The following RBM26 variants were observed in gnomAD, a reference collection of about 807,000 sequenced individuals.
The protein encoded by RBM26 is RNA-binding protein 26.
Under a neutral mutation model 123.6 loss-of-function variants are expected in RBM26, and 30 were observed. The ratio of observed to expected loss-of-function variants is 0.24; its 90% confidence interval spans 0.18 to 0.33. The LOEUF (loss-of-function observed/expected upper bound fraction) is 0.33, where lower values mean the gene tolerates loss of function less well. Among genes scored for constraint, RBM26 ranks in the 10% least tolerant of loss-of-function variants. The probability of loss-of-function intolerance (pLI) is 1.00; values close to 1 mark genes in which losing one functional copy is unlikely to be tolerated. For synonymous variants in RBM26, 400 were observed against 404.4 expected (o/e 0.99, Z 0.13); for missense variants, 947 against 1,203.6 (o/e 0.79, Z 3.15).
At chr13:79,366,501 G>C in intron 7 of RBM26, 132 bp downstream of exon 7, 1 of 938,818 alleles carries the variant, frequency 1.1e-6, no homozygotes, top group South Asian at 1.9e-5. Context: ...CCAAATGGAA[G>C]TATACTGCTA....
chr13:79,328,824 GAA>G (rs66509570), intron 20 of RBM26, among the ~76,000 whole-genome samples: 76,240 of 150,792 alleles, frequency 0.51, 19,590 homozygotes, highest in Middle Eastern at 0.6. Context: ...ACTACAATCA[GAA>G]AAGTGAATTA....
intron 3 of RBM26, among the ~76,000 whole-genome samples, chr13:79,375,567 A>G (rs933034367): frequency 1.3e-5 from 2 of 152,150 alleles, no homozygotes; most frequent in African/African-American, 4.8e-5. Flanking sequence ...ATGTTGCATA[A>G]GCAATTGCCA....
chr13:79,389,903 C>T (rs1192143614), intron 1 of RBM26, among the ~76,000 whole-genome samples: 1 of 152,016 alleles, frequency 6.6e-6, no homozygotes, highest in African/African-American at 2.4e-5. Flanking sequence ...TATGGAACCA[C>T]TGGAAAGAAT....
chr13:79,393,992 T>C (rs73234640), intron 1 of RBM26, among the ~76,000 whole-genome samples: 1 of 152,208 alleles, frequency 6.6e-6, no homozygotes, highest in Non-Finnish European at 1.5e-5. Context: ...TCACTCTACA[T>C]GCCACGTGAC....
At chr13:79,381,524 T>C (rs926944920) in intron 1 of RBM26, among the ~76,000 whole-genome samples, 3 of 152,048 alleles carry the variant, frequency 2.0e-5, no homozygotes, top group African/African-American at 4.8e-5. Context: ...GGTTTGATTG[T>C]TGTGGTGAAT....
chr13:79,358,237 G>A (rs748240285), intron 11 of RBM26, 37 bp downstream of exon 11: 3 of 1,522,770 alleles, frequency 2.0e-6, no homozygotes, highest in Non-Finnish European at 2.7e-6. Flanking sequence ...TCCCTAAACA[G>A]AAAGAAGAGA....
At position 79,405,866 on chromosome 13, in the gene RBM26, C is replaced by T. The variant is rs2079490166; in HGVS notation, c.-92G>A. 1 of 746,732 alleles carries T rather than the reference C, an allele frequency of 1.3e-6. No individual in the cohort carries two copies. Among genetic ancestry groups the T allele is most frequent in the Non-Finnish European group, 1.9e-6 (1 of 539,026 alleles). 46.3% of individuals were successfully genotyped at this position (746,732 alleles called of 1,614,324 possible). On this transcript the variant is annotated 5_prime_UTR_variant, in exon 1 of 22. Transcript: ENST00000438737. ...TGCCCCCGCCCCCTCCTCCGCGCGC[C>T]GCCCGCGTGGGCCGCGGTGGGAGGC...
At chr13:79,384,617 A>G (rs893753174) in intron 1 of RBM26, among the ~76,000 whole-genome samples, 19 of 152,310 alleles carry the variant, frequency 1.2e-4, no homozygotes, top group African/African-American at 4.3e-4. Context: ...CATACCCTTT[A>G]AAAGCATAGA....
chr13:79,386,591 TAAAAA>T (rs398023598), intron 1 of RBM26, among the ~76,000 whole-genome samples: 2 of 92,832 alleles, frequency 2.2e-5, no homozygotes, highest in African/African-American at 4.1e-5. Flanking sequence ...ACTCTCTCTT[TAAAAA>T]AAAAAAAAAA....
At chr13:79,330,068 C>T (rs2069056475) in intron 20 of RBM26, among the ~76,000 whole-genome samples, 1 of 152,058 alleles carries the variant, frequency 6.6e-6, no homozygotes, top group East Asian at 1.9e-4. Flanking sequence ...GGCCCTAAGT[C>T]GATAACTGTT....
intron 20 of RBM26, among the ~76,000 whole-genome samples, chr13:79,325,599 T>C (rs1431138833): frequency 2.6e-5 from 4 of 152,172 alleles, no homozygotes; most frequent in African/African-American, 9.6e-5. Flanking sequence ...GTGTCTGTTT[T>C]ATGCTAAGTG....
chr13:79,382,552 G>C (rs1594591589), intron 1 of RBM26, among the ~76,000 whole-genome samples: 1 of 152,144 alleles, frequency 6.6e-6, no homozygotes, highest in South Asian at 2.1e-4. Context: ...CTGTGTGTGT[G>C]TTGGGGCTGG....
chr13:79,358,536 T>G, intron 10 of RBM26, 103 bp from the exon 11 acceptor site: 1 of 923,042 alleles, frequency 1.1e-6, no homozygotes, highest in Non-Finnish European at 1.6e-6. Context: ...TAAGTTCAAT[T>G]TTCCCCCAAA....
chr13:79,318,664 T>C (rs1479331491), downstream of RBM26, among the ~76,000 whole-genome samples: 1 of 151,542 alleles, frequency 6.6e-6, no homozygotes, highest in Non-Finnish European at 1.5e-5. Flanking sequence ...TAGCTATTCA[T>C]GGACTGAAAT....
intron 1 of RBM26, among the ~76,000 whole-genome samples, chr13:79,399,480 A>C (rs998027851): frequency 1.4e-4 from 22 of 152,248 alleles, no homozygotes; most frequent in African/African-American, 5.1e-4. Flanking sequence ...GTGAATCACG[A>C]AAGTTCAGCT....
intron 4 of RBM26, among the ~76,000 whole-genome samples, chr13:79,371,366 T>C (rs1455141169): frequency 6.6e-6 from 1 of 152,200 alleles, no homozygotes; most frequent in Non-Finnish European, 1.5e-5. Flanking sequence ...ACCCTTAGTC[T>C]TATTACACAT....
intron 1 of RBM26, among the ~76,000 whole-genome samples, chr13:79,384,573 A>C (rs1351984274): frequency 1.3e-5 from 2 of 152,112 alleles, no homozygotes; most frequent in Non-Finnish European, 2.9e-5. Flanking sequence ...CTTTGTTTTT[A>C]AAAACAGTTC....
chr13:79,377,836 A>C (rs567993805), intron 2 of RBM26, among the ~76,000 whole-genome samples: 1 of 152,246 alleles, frequency 6.6e-6, no homozygotes, highest in Admixed American at 6.5e-5. Context: ...TGAACCCAGG[A>C]GGCAGAGACT....
At chr13:79,348,659 C>T (rs2072714144) in intron 14 of RBM26, among the ~76,000 whole-genome samples, 1 of 151,992 alleles carries the variant, frequency 6.6e-6, no homozygotes, top group Non-Finnish European at 1.5e-5. Context: ...GTGTAGGAAA[C>T]GTATTAATAC....
Sources: gnomAD v4.1 joint callset for allele counts (sites outside exome capture counted in the v4.1 genomes callset) on GRCh38, gnomAD v4.1.1 for gene constraint, MANE v1.5 for transcripts, NCBI Gene and HGNC (gene_info 2026-07-23, HGNC 2026-07-21) for gene names.